The following GIGYF2 variants were observed in gnomAD, a reference collection of about 807,000 sequenced individuals.
GIGYF2 encodes the protein GRB10 interacting GYF protein 2.
In GIGYF2, 25 loss-of-function variants were observed where a neutral mutation model predicts 208.1. That is an observed-to-expected ratio of 0.12 (90% CI 0.09 to 0.17). The LOEUF is 0.17. Among genes scored for constraint, GIGYF2 ranks in the 10% least tolerant of loss-of-function variants. The pLI is 1.00. For missense variants in GIGYF2, 1,302 were observed against 1,579.4 expected (o/e 0.82, Z 2.98); for synonymous variants, 534 against 543.8 (o/e 0.98, Z 0.25).
intron 14 of GIGYF2, among the ~76,000 whole-genome samples, chr2:232,804,431 A>G (rs1273679016): frequency 2.0e-5 from 3 of 148,542 alleles, no homozygotes; most frequent in African/African-American, 7.5e-5. Flanking sequence ...TTATTAGCTC[A>G]AGGAGTTCTT....
Position 232,735,190 on chromosome 2 carries a change from G to A in GIGYF2, c.-8G>A, listed in dbSNP as rs759936602. On this transcript the variant is annotated 5_prime_UTR_variant, in exon 3 of 29. Coordinates refer to ENST00000373563, the MANE Select transcript of GIGYF2 (RefSeq NM_001103146.3). ...ATATAAAAATCTATTGTAAAAATAC[G>A]GAAAAGAATGGCAGCGGAAACGCAG... is the stretch of plus-strand genomic sequence containing the variant. The A allele has an allele frequency of 2.5e-6, 4 of 1,593,908 alleles. No individual in the cohort carries two copies. The highest frequency in any genetic ancestry group is 1.7e-5 in the Admixed American group (1 of 59,978).
intron 13 of GIGYF2, 87 bp from the exon 14 acceptor site, chr2:232,795,975 A>C: frequency 1.1e-6 from 1 of 914,494 alleles, no homozygotes; most frequent in Non-Finnish European, 1.8e-6. Context: ...CAAGTAGTCC[A>C]AAAAAAAGGG....
Position 232,858,434 on chromosome 2 carries a change from T to C in GIGYF2, c.*1574T>C. On this transcript the variant is annotated 3_prime_UTR_variant, in exon 29 of 29. Coordinates refer to ENST00000373563, the MANE Select transcript of GIGYF2 (RefSeq NM_001103146.3). Reference sequence around the variant, plus strand: ...CTGCTACAAAATTGTATATAGTTTTTGGATCAAATAGCATGAGGGGAGAGG... The same window carrying C: ...CTGCTACAAAATTGTATATAGTTTTCGGATCAAATAGCATGAGGGGAGAGG... 3 of 449,550 alleles carry C rather than the reference T, an allele frequency of 6.7e-6. No individual in the cohort carries two copies. The highest frequency in any genetic ancestry group is 3.2e-5 in the South Asian group (2 of 63,160). 27.8% of individuals were successfully genotyped at this position (449,550 alleles called of 1,614,324 possible). A position where few individuals can be genotyped will look rare whatever the true frequency, so the allele number is the denominator to read the frequency against.
At position 232,836,310 on chromosome 2, in the gene GIGYF2, AT is replaced by A. The variant is rs1701614539; in HGVS notation, c.2766+3218del. ...TATATATATATATATATATATATAT[AT>A]ATATATATATATATATATACATATA... On this transcript the variant is annotated intron_variant, in intron 22 of 28. Coordinates refer to ENST00000373563, the MANE Select transcript of GIGYF2 (RefSeq NM_001103146.3). Among the ~76,000 whole-genome samples the A allele has an allele frequency of 6.3e-4, 13 of 20,640 alleles. 3 individuals carry two copies. Among genetic ancestry groups the A allele is most frequent in the African/African-American group, 1.5e-3 (10 of 6,792 alleles). The allele number at this position is 20,640 out of a possible 152,430, so 13.5% of individuals were successfully genotyped here.
chr2:232,844,264 AT>A lies in GIGYF2; in HGVS notation c.3099+13del. On this transcript the variant is annotated intron_variant, in intron 24 of 28. Transcript: ENST00000373563. Reference sequence around the variant, plus strand: ...GAGCTCGTAACAATACGGTGTGTGCATTTTCCTAAGCTGTCGTTGTATGGAC... The same window carrying A: ...GAGCTCGTAACAATACGGTGTGTGCATTTCCTAAGCTGTCGTTGTATGGAC... 6.3e-7 allele frequency: 1 copy of A among 1,594,876 alleles called. No individual in the cohort carries two copies. The highest frequency in any genetic ancestry group is 8.6e-7 in the Non-Finnish European group (1 of 1,169,540).
intron 2 of GIGYF2, among the ~76,000 whole-genome samples, chr2:232,710,890 A>G (rs944405547): frequency 4.6e-5 from 7 of 151,574 alleles, no homozygotes; most frequent in Non-Finnish European, 1.0e-4. Flanking sequence ...TAGTAGAGAC[A>G]GGGTTTCACT....
chr2:232,778,516 G>A (rs1011568334), intron 8 of GIGYF2, among the ~76,000 whole-genome samples: 3 of 152,148 alleles, frequency 2.0e-5, no homozygotes, highest in African/African-American at 7.2e-5. Flanking sequence ...AATAGCCTGA[G>A]CATTTAAAGT....
chr2:232,701,319 G>A (rs772994878), intron 1 of GIGYF2, among the ~76,000 whole-genome samples: 2 of 151,644 alleles, frequency 1.3e-5, no homozygotes, highest in Admixed American at 6.6e-5. Flanking sequence ...ACAGTGCAGC[G>A]GCCTGATCTT....
chr2:232,819,814 C>CT lies in GIGYF2; in HGVS notation c.2371-7dup. ...CCCTCCCCCACCCCCCACCCTCCAT[C>CT]TTTTTTCCTTAGGAAGAGGCTCTGC... is the stretch of plus-strand genomic sequence containing the variant. On this transcript the variant is annotated splice_polypyrimidine_tract_variant and intron_variant, in intron 20 of 28. Coordinates refer to ENST00000373563, the MANE Select transcript of GIGYF2 (RefSeq NM_001103146.3). 1 of 581,456 alleles carries CT rather than the reference C, an allele frequency of 1.7e-6. No homozygotes were observed. Among genetic ancestry groups the CT allele is most frequent in the Non-Finnish European group, 2.8e-6 (1 of 363,286 alleles). 36.0% of individuals were successfully genotyped at this position (581,456 alleles called of 1,614,324 possible). A position where few individuals can be genotyped will look rare whatever the true frequency, so the allele number is the denominator to read the frequency against.
intron 20 of GIGYF2, among the ~76,000 whole-genome samples, chr2:232,817,469 C>G (rs62193306): frequency 1.3e-5 from 2 of 152,096 alleles, no homozygotes; most frequent in Admixed American, 6.5e-5. Context: ...GCTGTGCAAC[C>G]CTCACAAACA....
chr2:232,807,236 C>T (rs1351557904), intron 15 of GIGYF2, among the ~76,000 whole-genome samples: 1 of 152,062 alleles, frequency 6.6e-6, no homozygotes, highest in Non-Finnish European at 1.5e-5. Flanking sequence ...AAAATGGAAC[C>T]ATGGCCGGGC....
intron 2 of GIGYF2, among the ~76,000 whole-genome samples, chr2:232,710,561 G>A (rs1215378421): frequency 6.6e-6 from 1 of 152,186 alleles, no homozygotes; most frequent in Non-Finnish European, 1.5e-5. Context: ...TTACAGCCCA[G>A]TGAGAGAGGC....
At chr2:232,826,560 G>C (rs1013009235) in intron 21 of GIGYF2, among the ~76,000 whole-genome samples, 1 of 152,150 alleles carries the variant, frequency 6.6e-6, no homozygotes, top group Non-Finnish European at 1.5e-5. Context: ...AAGAGCTTCT[G>C]CACAGCAAAA....
intron 14 of GIGYF2, among the ~76,000 whole-genome samples, chr2:232,801,504 T>C (rs1285978470): frequency 6.6e-6 from 1 of 152,152 alleles, no homozygotes; most frequent in Non-Finnish European, 1.5e-5. Context: ...AGAGACCCTG[T>C]CTTAACAAAC....
chr2:232,712,585 A>T (rs952678599), intron 2 of GIGYF2, among the ~76,000 whole-genome samples: 20 of 152,232 alleles, frequency 1.3e-4, no homozygotes, highest in African/African-American at 4.6e-4. Context: ...AGTCTGTGCA[A>T]GTGTCAACAC....
At chr2:232,729,472 T>C (rs1206751429) in intron 2 of GIGYF2, 3 of 972,234 alleles carry the variant, frequency 3.1e-6, no homozygotes, top group Non-Finnish European at 4.2e-6. Context: ...GGTTTTTTTT[T>C]TTAATTAACC....
rs774254165 is a variant in GIGYF2 at position 232,787,296 on chromosome 2, A to G, written c.679A>G (p.Arg227Gly). 1 of 1,614,080 alleles carries G rather than the reference A, an allele frequency of 6.2e-7. No homozygotes were observed. The highest frequency in any genetic ancestry group is 1.1e-5 in the South Asian group (1 of 91,082). The change falls in exon 9 of 29, where the codon AGG becomes GGG. Residue 227 changes from arginine to glycine, a missense_variant. Arg to Gly is a moderately radical substitution (Grantham distance 125). Transcript: ENST00000373563. ...DGGWRLAGSR[R>G]DGERWRPHSP... ...AGGTTGGCGACTAGCTGGATCAAGGAGGGATGGAGAGAGGTGGCGACCTCA... is the reference window on the plus strand; with the variant it reads ...AGGTTGGCGACTAGCTGGATCAAGGGGGGATGGAGAGAGGTGGCGACCTCA...
intron 8 of GIGYF2, among the ~76,000 whole-genome samples, chr2:232,786,514 GGCGTGA>G (rs376265993): frequency 5.9e-5 from 9 of 152,344 alleles, no homozygotes; most frequent in African/African-American, 1.9e-4. Context: ...TGGGATTATA[GGCGTGA>G]GCCACCACGC....
chr2:232,852,171 TTC>T (rs1405275484), intron 28 of GIGYF2, among the ~76,000 whole-genome samples: 3 of 152,176 alleles, frequency 2.0e-5, no homozygotes, highest in African/African-American at 7.2e-5. Context: ...CTTGGTAGGA[TTC>T]TCTCTTTCCC....
Sources: allele counts gnomAD v4.1 joint callset (sites outside exome capture counted in the v4.1 genomes callset), GRCh38; gene constraint gnomAD v4.1.1; transcripts MANE v1.5; gene names NCBI Gene and HGNC (gene_info 2026-07-23, HGNC 2026-07-21).